CFAP43: variants seen among roughly 807,000 people sequenced by gnomAD.
CFAP43 encodes the protein cilia- and flagella-associated protein 43.
CFAP43 carries 155 observed loss-of-function variants against 218.9 expected under a neutral mutation model. That is an observed-to-expected ratio of 0.71 (90% CI 0.62 to 0.81). The LOEUF (loss-of-function observed/expected upper bound fraction) is 0.81. Among genes scored for constraint, CFAP43 ranks in the 30% least tolerant of loss-of-function variants. The pLI, the probability that CFAP43 is intolerant of heterozygous loss-of-function variation, is 0.00. For synonymous variants in CFAP43, 645 were observed against 681.3 expected, an observed-to-expected ratio of 0.95 and a Z score of 0.83; for missense variants, 1,778 against 1,954.3, an observed-to-expected ratio of 0.91 and a Z score of 1.70.
At chr10:104,150,734 C>CT (rs1217220570) in intron 28 of CFAP43, among the ~76,000 whole-genome samples, 5 of 152,064 alleles carry the variant, frequency 3.3e-5, no homozygotes, top group African/African-American at 4.8e-5. Context: ...TCATTATTCT[C>CT]TTTTTTTAAC....
At chr10:104,212,296 G>C in intron 4 of CFAP43, 139 bp from the exon 5 acceptor site, 1 of 769,452 alleles carries the variant, frequency 1.3e-6, no homozygotes. Flanking sequence ...CCAAATGATA[G>C]ATTTAAAAAT....
At chr10:104,164,483 C>T (rs1281107753) in intron 23 of CFAP43, among the ~76,000 whole-genome samples, 183 bp from the exon 24 acceptor site, 1 of 151,776 alleles carries the variant, frequency 6.6e-6, no homozygotes, top group Admixed American at 6.6e-5. Flanking sequence ...CCGCAAGCTC[C>T]GCCTCCCGGG....
chr10:104,130,403 C>CA (rs149715495), intron 37 of CFAP43, 98 bp from the exon 38 acceptor site: 1 of 1,385,198 alleles, frequency 7.2e-7, no homozygotes, highest in African/African-American at 1.5e-5. Context: ...ATGCTGGTAG[C>CA]AAAAAGGCAT....
rs1327565969 is a variant in CFAP43 at position 104,161,942 on chromosome 10, G to A, written c.3414+19C>T. The stretch of plus-strand genomic sequence containing the variant: ...TTCCACCCCATTCCACCTTCTATAA[G>A]GATGAACAGAAATATCACCATTCTC... On this transcript the variant is annotated intron_variant, in intron 26 of 37. Transcript: ENST00000357060. The A allele has an allele frequency of 1.2e-6, 2 of 1,608,008 alleles. No individual in the cohort carries two copies. Among genetic ancestry groups the A allele is most frequent in the African/African-American group, 1.3e-5 (1 of 74,764 alleles).
chr10:104,177,462 G>A (rs998428522), intron 19 of CFAP43, among the ~76,000 whole-genome samples: 2 of 152,184 alleles, frequency 1.3e-5, no homozygotes, highest in Admixed American at 1.3e-4. Context: ...CCTGGTCTTA[G>A]TCTTCTGCCC....
At chr10:104,137,968 C>G (rs2087530763) in intron 34 of CFAP43, among the ~76,000 whole-genome samples, 1 of 152,108 alleles carries the variant, frequency 6.6e-6, no homozygotes, top group African/African-American at 2.4e-5. Context: ...CTCTAAAAAA[C>G]TAAGTTACAA....
At chr10:104,227,098 C>T (rs375546525) in intron 2 of CFAP43, among the ~76,000 whole-genome samples, 30 of 152,030 alleles carry the variant, frequency 2.0e-4, no homozygotes, top group Non-Finnish European at 3.2e-4. Flanking sequence ...TTTTTATTTA[C>T]GTTATATTGA....
intron 8 of CFAP43, among the ~76,000 whole-genome samples, chr10:104,202,822 T>G (rs1005280239): frequency 6.6e-6 from 1 of 151,866 alleles, no homozygotes; most frequent in Admixed American, 6.5e-5. Flanking sequence ...AGCATAGTTT[T>G]TTTTTTTTTA....
At chr10:104,213,513 C>T (rs368979681) in intron 4 of CFAP43, among the ~76,000 whole-genome samples, 6 of 152,000 alleles carry the variant, frequency 3.9e-5, no homozygotes, top group Non-Finnish European at 7.4e-5. Context: ...CTTTTGCTTG[C>T]GGATAATGTG....
Position 104,232,325 on chromosome 10 carries a change from G to GCCC in CFAP43, c.-80_-79insGGG. On this transcript the variant is annotated 5_prime_UTR_variant, in exon 1 of 38. Coordinates refer to ENST00000357060, the MANE Select transcript of CFAP43 (RefSeq NM_025145.7). ...GGTCGGTTACCTTTCCGCCGCCGCG[G>GCCC]GGCTGCGGGCCGCGACGCCGCTGCT... 7.2e-7 allele frequency: 1 copy of GCCC among 1,392,750 alleles called. No homozygotes were observed. Among genetic ancestry groups the GCCC allele is most frequent in the Non-Finnish European group, 9.5e-7 (1 of 1,053,248 alleles). The allele number at this position is 1,392,750 out of a possible 1,614,324, so 86.3% of individuals were successfully genotyped here. A position where few individuals can be genotyped will look rare whatever the true frequency, so the allele number is the denominator to read the frequency against.
chr10:104,179,997 C>A, intron 17 of CFAP43, 65 bp from the exon 18 acceptor site: 1 of 1,223,842 alleles, frequency 8.2e-7, no homozygotes, highest in Non-Finnish European at 1.2e-6. Context: ...TTTCCCCTCC[C>A]ACCCTACCAC....
chr10:104,175,034 G>A (rs902350926), intron 19 of CFAP43, among the ~76,000 whole-genome samples: 13 of 151,412 alleles, frequency 8.6e-5, no homozygotes, highest in Admixed American at 3.3e-4. Flanking sequence ...CAGCCTGGGC[G>A]ACAGAGCGAG....
chr10:104,143,000 A>G (rs2087778874), intron 32 of CFAP43, among the ~76,000 whole-genome samples: 1 of 152,230 alleles, frequency 6.6e-6, no homozygotes, highest in Admixed American at 6.5e-5. Context: ...AATCAAAGAA[A>G]TGAACTTAAT....
intron 11 of CFAP43, 50 bp from the exon 12 acceptor site, chr10:104,192,352 G>C (rs1445383781): frequency 7.1e-7 from 1 of 1,409,166 alleles, no homozygotes; most frequent in Non-Finnish European, 1.0e-6. Context: ...TCACCAGCTA[G>C]ATGGTGAACA....
In CFAP43 at chr10:104,187,484, T is replaced by C. The variant is rs201329160; in HGVS notation, c.1696A>G (p.Thr566Ala). 2.5e-6 allele frequency: 4 copies of C among 1,572,682 alleles called. No homozygotes were observed. Among genetic ancestry groups the C allele is most frequent in the Admixed American group, 4.0e-5 (2 of 50,532 alleles). Residue 566 changes from threonine (T) to alanine (A), a missense_variant, in exon 14 of 38, where the codon ACC becomes GCC. By Grantham distance (58) the Thr-to-Ala change is moderately conservative (BLOSUM62 0). Around this residue, in one of 3 missense-constraint regions of CFAP43, gnomAD observed 1,553 missense variants for 1,685.2 expected, o/e 0.92. Coordinates refer to ENST00000357060, the MANE Select transcript of CFAP43 (RefSeq NM_025145.7). The part of the protein sequence containing the change: ...LPTLLPQVST[T>A]FADERGRLKD... ...AGCCTTCCTCTTTCATCAGCAAAGG[T>C]TGTGGAAACTATTAGATTTGGAAAA...
chr10:104,162,328 G>T lies in CFAP43; in HGVS notation c.3322C>A (p.Leu1108Ile). 6.2e-7 allele frequency: 1 copy of T among 1,613,966 alleles called. No homozygotes were observed. Among genetic ancestry groups the T allele is most frequent in the Non-Finnish European group, 8.5e-7 (1 of 1,179,818 alleles). Residue 1108 changes from leucine to isoleucine, a missense_variant, in exon 25 of 38, where the codon CTT becomes ATT. Coordinates refer to ENST00000357060, the MANE Select transcript of CFAP43 (RefSeq NM_025145.7). ...GCAAAGCTACATGCCTGTATCAGAA[G>T]CCAGTGCTCCTTTTCATGATTCACG... is the stretch of plus-strand genomic sequence containing the variant. ...LIVNHEKEHW[L>I]LIQDASTRLR...
intron 10 of CFAP43, among the ~76,000 whole-genome samples, chr10:104,194,812 C>A (rs956503480): frequency 2.0e-5 from 3 of 152,066 alleles, no homozygotes; most frequent in Non-Finnish European, 2.9e-5. Flanking sequence ...GATCATTTTG[C>A]AAAATAGAAA....
intron 8 of CFAP43, among the ~76,000 whole-genome samples, chr10:104,200,070 C>CCAT (rs2090487527): frequency 6.6e-6 from 1 of 152,122 alleles, no homozygotes; most frequent in Non-Finnish European, 1.5e-5. Flanking sequence ...GCACTTGAAC[C>CCAT]CATCTAGATT....
chr10:104,162,164 G>A, intron 25 of CFAP43, 123 bp from the exon 26 acceptor site: 1 of 1,248,560 alleles, frequency 8.0e-7, no homozygotes, highest in Non-Finnish European at 1.2e-6. Flanking sequence ...AAGGTAGGTA[G>A]TGCCTGGAGG....
Sources: allele counts gnomAD v4.1 joint callset (sites outside exome capture counted in the v4.1 genomes callset), GRCh38; gene constraint gnomAD v4.1.1; regional missense constraint gnomAD v4.1.1; transcripts MANE v1.5; gene names NCBI Gene and HGNC (gene_info 2026-07-23, HGNC 2026-07-21).